TYR: variants seen among roughly 807,000 people sequenced by gnomAD.
TYR encodes tyrosinase.
A neutral mutation model predicts 51.5 loss-of-function variants in TYR; 58 were observed. The ratio of observed to expected loss-of-function variants is 1.13; its 90% CI spans 0.91 to 1.40. The LOEUF (loss-of-function observed/expected upper bound fraction) is 1.40. Among genes scored for constraint, TYR ranks in the 40% most tolerant of loss-of-function variants. The pLI is 0.00. For synonymous variants in TYR, 263 were observed against 235.2 expected, an observed-to-expected ratio of 1.12 and a Z score of -1.08; for missense variants, 732 against 647.4, an observed-to-expected ratio of 1.13 and a Z score of -1.42.
At chr11:89,186,409 A>G (rs945749980) in intron 1 of TYR, among the ~76,000 whole-genome samples, 2 of 152,134 alleles carry the variant, frequency 1.3e-5, no homozygotes, top group African/African-American at 4.8e-5. Flanking sequence ...TGCATCCTGC[A>G]GACCTTTTGT....
At chr11:89,285,443 T>G (rs1173731507) in intron 4 of TYR, among the ~76,000 whole-genome samples, 1 of 151,716 alleles carries the variant, frequency 6.6e-6, no homozygotes, top group Non-Finnish European at 1.5e-5. Flanking sequence ...CCAAGAAAAT[T>G]TGTAGAAATC....
chr11:89,191,298 A>C lies in TYR; in HGVS notation c.916A>C (p.Lys306Gln), dbSNP rs1345941904. Residue 306 changes from lysine to glutamine, a missense_variant, in exon 2 of 5, where the codon AAA (lysine) becomes CAA (glutamine). Coordinates refer to ENST00000263321, the MANE Select transcript of TYR (RefSeq NM_000372.5). ...PLRRNPGNHD[K>Q]SRTPRLPSSA... is the part of the protein sequence containing the mutation. Reference sequence around the variant, plus strand: ...ACGGCGTAATCCTGGAAACCATGACAAATCCAGAACCCCAAGGCTCCCCTC... The same window carrying C: ...ACGGCGTAATCCTGGAAACCATGACCAATCCAGAACCCCAAGGCTCCCCTC... The C allele has an allele frequency of 6.2e-7, 1 of 1,613,758 alleles. No homozygotes were observed. Among genetic ancestry groups the C allele is most frequent in the East Asian group, 2.2e-5 (1 of 44,856 alleles).
Position 89,249,471 on chromosome 11 carries a change from C to CAAAA in TYR, c.1184+21517_1184+21520dup, listed in dbSNP as rs35342940. 7.8e-3 allele frequency among the ~76,000 whole-genome samples: 547 copies of CAAAA among 69,742 alleles called. 10 individuals are homozygous for CAAAA. Among genetic ancestry groups the CAAAA allele is most frequent in the African/African-American group, 0.029 (515 of 17,640 alleles). The allele number at this position is 69,742 out of a possible 152,430, so 45.8% of individuals were successfully genotyped here. ...CATTAAGCCACAAAAGCCATGTAGC[C>CAAAA]AAAAAAAAAAAAAAAAAAACAGTGG... On this transcript the variant is annotated intron_variant, in intron 3 of 4. Transcript: ENST00000263321.
At chr11:89,215,721 T>C (rs1943823879) in intron 2 of TYR, among the ~76,000 whole-genome samples, 1 of 152,156 alleles carries the variant, frequency 6.6e-6, no homozygotes, top group South Asian at 2.1e-4. Context: ...TGAGTGCACC[T>C]GTCAATCAAA....
intron 3 of TYR, among the ~76,000 whole-genome samples, chr11:89,245,819 G>A (rs1463909108): frequency 6.6e-6 from 1 of 152,176 alleles, no homozygotes; most frequent in Non-Finnish European, 1.5e-5. Context: ...CTACTTGGGA[G>A]GCTGAGGCAG....
At chr11:89,197,514 G>T (rs898391392) in intron 2 of TYR, among the ~76,000 whole-genome samples, 4 of 152,096 alleles carry the variant, frequency 2.6e-5, no homozygotes, top group Non-Finnish European at 4.4e-5. Context: ...AATTTGCCTT[G>T]AAAACATGCC....
At chr11:89,225,795 T>C (rs72963188) in intron 2 of TYR, among the ~76,000 whole-genome samples, 14,639 of 151,838 alleles carry the variant, frequency 0.096, 970 homozygotes, top group African/African-American at 0.19. Context: ...AGGAAAATTA[T>C]AGTTAACAAC....
intron 2 of TYR, among the ~76,000 whole-genome samples, chr11:89,226,654 G>T (rs1943981341): frequency 6.6e-6 from 1 of 152,062 alleles, no homozygotes; most frequent in Non-Finnish European, 1.5e-5. Context: ...ATTAAGAACT[G>T]CACCTTTAAT....
At chr11:89,280,500 G>A (rs1331194333) in intron 3 of TYR, among the ~76,000 whole-genome samples, 10 of 151,050 alleles carry the variant, frequency 6.6e-5, no homozygotes, top group African/African-American at 1.9e-4. Context: ...TAGGGTTTCC[G>A]TCTTTCTGCT....
chr11:89,252,178 G>A (rs552332584), intron 3 of TYR, among the ~76,000 whole-genome samples: 6 of 151,814 alleles, frequency 4.0e-5, no homozygotes, highest in South Asian at 4.2e-4. Context: ...TGAGATATTA[G>A]ACTATGAGAA....
intron 3 of TYR, among the ~76,000 whole-genome samples, chr11:89,264,744 AAAAC>A (rs1226735396): frequency 1.9e-4 from 29 of 151,526 alleles, no homozygotes; most frequent in Middle Eastern, 3.4e-3. Context: ...CCAAAAAAAA[AAAAC>A]AAACAAACAA....
intron 2 of TYR, among the ~76,000 whole-genome samples, chr11:89,218,063 T>C (rs1209713368): frequency 6.6e-6 from 1 of 152,190 alleles, no homozygotes; most frequent in Non-Finnish European, 1.5e-5. Context: ...CTATTTTTCA[T>C]GTAGGTTGTT....
chr11:89,218,301 T>C (rs2135274815), intron 2 of TYR, among the ~76,000 whole-genome samples: 1 of 152,312 alleles, frequency 6.6e-6, no homozygotes, highest in Non-Finnish European at 1.5e-5. Flanking sequence ...CTCATGTTTA[T>C]TGATTAAAAA....
At chr11:89,247,937 A>G (rs1341930372) in intron 3 of TYR, among the ~76,000 whole-genome samples, 2 of 152,216 alleles carry the variant, frequency 1.3e-5, no homozygotes, top group African/African-American at 2.4e-5. Flanking sequence ...ACAGAGCTCT[A>G]AAGTAAATCA....
chr11:89,217,364 T>C (rs1267078672), intron 2 of TYR, among the ~76,000 whole-genome samples: 3 of 152,176 alleles, frequency 2.0e-5, no homozygotes, highest in Non-Finnish European at 4.4e-5. Context: ...ATGTTTCTGG[T>C]TGGGGAATGA....
chr11:89,244,525 T>G (rs775270111), intron 3 of TYR, among the ~76,000 whole-genome samples: 5 of 152,260 alleles, frequency 3.3e-5, no homozygotes, highest in Non-Finnish European at 7.3e-5. Flanking sequence ...GTCTCACTTT[T>G]GTGTGACCTA....
intron 3 of TYR, among the ~76,000 whole-genome samples, chr11:89,259,315 T>C (rs1402024634): frequency 1.3e-5 from 2 of 152,096 alleles, no homozygotes; most frequent in African/African-American, 2.4e-5. Flanking sequence ...CCCTGTTGTG[T>C]AGAATACTTG....
intron 1 of TYR, among the ~76,000 whole-genome samples, chr11:89,181,544 A>T (rs1445989609): frequency 6.6e-6 from 1 of 152,188 alleles, no homozygotes; most frequent in Non-Finnish European, 1.5e-5. Context: ...TTCTAGATTG[A>T]GTTAAGACCT....
At chr11:89,220,529 C>T (rs1336660876) in intron 2 of TYR, among the ~76,000 whole-genome samples, 1 of 152,156 alleles carries the variant, frequency 6.6e-6, no homozygotes, top group African/African-American at 2.4e-5. Context: ...CTTAGATAAA[C>T]CACCTATCCT....
Sources: gnomAD v4.1 joint callset for allele counts (sites outside exome capture counted in the v4.1 genomes callset) on GRCh38, gnomAD v4.1.1 for gene constraint, MANE v1.5 for transcripts, NCBI Gene and HGNC (gene_info 2026-07-23, HGNC 2026-07-21) for gene names.